The following DLEU7 variants were observed in gnomAD, a reference collection of about 807,000 sequenced individuals.
The protein encoded by DLEU7 is deleted in lymphocytic leukemia 7.
A neutral mutation model predicts 16.0 loss-of-function variants in DLEU7; 17 were observed. The observed-to-expected ratio is 1.06, with a 90% CI of 0.73 to 1.59. The LOEUF is 1.59. DLEU7 is among the 40% of genes most tolerant of loss of function. The probability of loss-of-function intolerance (pLI) is 0.00; values close to 1 mark genes in which losing one functional copy is unlikely to be tolerated. For synonymous variants in DLEU7, 113 were observed against 139.8 expected, an observed-to-expected ratio of 0.81 and a Z score of 1.35; for missense variants, 308 against 314.9, an observed-to-expected ratio of 0.98 and a Z score of 0.17.
chr13:50,711,168 C>G (rs1209387119), downstream of DLEU7: 4 of 152,132 alleles, frequency 2.6e-5, no homozygotes, highest in Non-Finnish European at 5.9e-5. Flanking sequence ...TCTGTACCCT[C>G]AAAAATATTG....
downstream of DLEU7, chr13:50,822,484 G>T: frequency 4.4e-6 from 1 of 226,912 alleles, no homozygotes; most frequent in Non-Finnish European, 6.5e-6. Context: ...AGTATGTGTG[G>T]ACTGTTGTTG....
In DLEU7 at chr13:50,784,813, C is replaced by T. The variant is rs542518725; in HGVS notation, c.459+58375G>A. On this transcript the variant is annotated intron_variant, in intron 1 of 1. Transcript: ENST00000400393. The stretch of plus-strand genomic sequence containing the variant: ...CAGTTAAGTGCTTTATAAAAGTAAG[C>T]GATTCATATTGGAACCTGTCCTGCA... Among the ~76,000 whole-genome samples, 77 of 152,160 alleles carry T rather than the reference C, an allele frequency of 5.1e-4. 1 individual carries two copies. Among genetic ancestry groups the T allele is most frequent in the Non-Finnish European group, 9.8e-4 (67 of 68,024 alleles).
At chr13:50,782,505 C>T (rs1875682949) in intron 1 of DLEU7, among the ~76,000 whole-genome samples, 1 of 152,140 alleles carries the variant, frequency 6.6e-6, no homozygotes, top group Admixed American at 6.6e-5. Flanking sequence ...CTATTGCGAC[C>T]TCTTCATTTG....
chr13:50,733,146 T>C (rs757356430), intron 1 of DLEU7, among the ~76,000 whole-genome samples: 2 of 152,214 alleles, frequency 1.3e-5, no homozygotes, highest in Non-Finnish European at 2.9e-5. Context: ...TGTCTGCATA[T>C]TAGAACCATC....
At chr13:50,715,272 C>A (rs553082389) in intron 1 of DLEU7, among the ~76,000 whole-genome samples, 2 of 152,198 alleles carry the variant, frequency 1.3e-5, no homozygotes, top group Non-Finnish European at 2.9e-5. Flanking sequence ...ACCCGATAAT[C>A]CAGGATAATC....
chr13:50,775,486 C>T (rs1011660200), intron 1 of DLEU7, among the ~76,000 whole-genome samples: 19 of 152,298 alleles, frequency 1.2e-4, no homozygotes, highest in African/African-American at 2.9e-4. Context: ...CTGAAATCTC[C>T]GCAACAGCTT....
At chr13:50,748,749 GGAAGGA>G (rs992379092) in intron 1 of DLEU7, among the ~76,000 whole-genome samples, 1 of 151,990 alleles carries the variant, frequency 6.6e-6, no homozygotes, top group African/African-American at 2.4e-5. Context: ...GAGAAGAAGT[GGAAGGA>G]GAAGGAGAAG....
chr13:50,738,402 G>A (rs1305683945), intron 1 of DLEU7, among the ~76,000 whole-genome samples: 1 of 152,094 alleles, frequency 6.6e-6, no homozygotes, highest in Non-Finnish European at 1.5e-5. Flanking sequence ...GTTTAGAATT[G>A]CCAGTACATG....
chr13:50,774,331 A>G (rs544160803), intron 1 of DLEU7, among the ~76,000 whole-genome samples: 1 of 152,304 alleles, frequency 6.6e-6, no homozygotes, highest in South Asian at 2.1e-4. Flanking sequence ...AAATGCAGAA[A>G]TCACCCATCT....
At chr13:50,799,004 G>T (rs1460538894) in intron 1 of DLEU7, among the ~76,000 whole-genome samples, 1 of 152,110 alleles carries the variant, frequency 6.6e-6, no homozygotes, top group Non-Finnish European at 1.5e-5. Context: ...TGGAAGTGAG[G>T]ATCTTTGCTC....
At chr13:50,820,180 T>G (rs1374725372), downstream of DLEU7, among the ~76,000 whole-genome samples, 13 of 152,060 alleles carry the variant, frequency 8.5e-5, no homozygotes, top group Admixed American at 8.5e-4. Flanking sequence ...CAAGAGAAGT[T>G]TTGATGGCGT....
intron 1 of DLEU7, among the ~76,000 whole-genome samples, chr13:50,815,396 G>A (rs562556464): frequency 2.4e-4 from 36 of 152,242 alleles, no homozygotes; most frequent in Non-Finnish European, 4.1e-4. Context: ...GGAAATGAGA[G>A]GGAACAGCTG....
chr13:50,788,842 C>G (rs56376116), intron 1 of DLEU7, among the ~76,000 whole-genome samples: 2,040 of 152,200 alleles, frequency 0.013, 41 homozygotes, highest in African/African-American at 0.047. Flanking sequence ...CTCACGGACA[C>G]CCTTTCACCC....
intron 1 of DLEU7, among the ~76,000 whole-genome samples, chr13:50,833,504 A>T (rs933648817): frequency 6.6e-6 from 1 of 152,242 alleles, no homozygotes; most frequent in African/African-American, 2.4e-5. Flanking sequence ...GACCTCTTCA[A>T]TGAGAACTAC....
chr13:50,817,253 T>C (rs1593407799), intron 1 of DLEU7, among the ~76,000 whole-genome samples: 2 of 152,328 alleles, frequency 1.3e-5, no homozygotes, highest in Admixed American at 1.3e-4. Flanking sequence ...TATGACTGCA[T>C]GCATGGAGCA....
chr13:50,716,179 T>TTTTG, intron 1 of DLEU7, among the ~76,000 whole-genome samples: 1 of 152,252 alleles, frequency 6.6e-6, no homozygotes. Flanking sequence ...GCTTGGTCTT[T>TTTTG]TTTGTTTAAT....
At chr13:50,744,189 C>A (rs549224801) in intron 1 of DLEU7, among the ~76,000 whole-genome samples, 15 of 152,316 alleles carry the variant, frequency 9.8e-5, no homozygotes, top group Non-Finnish European at 5.9e-5. Context: ...GCACTGATCT[C>A]TGATATATGA....
At chr13:50,743,687 G>A (rs138286413) in intron 1 of DLEU7, among the ~76,000 whole-genome samples, 2,106 of 152,254 alleles carry the variant, frequency 0.014, 44 homozygotes, top group African/African-American at 0.047. Context: ...TATGATTAAG[G>A]ATCTAAGAGA....
chr13:50,764,549 T>C lies in DLEU7; in HGVS notation c.460-51309A>G, dbSNP rs139551727. Among the ~76,000 whole-genome samples, 548 of 152,356 alleles carry C rather than the reference T, an allele frequency of 3.6e-3. 3 individuals carry two copies. The highest frequency in any genetic ancestry group is 0.012 in the African/African-American group (517 of 41,588). On this transcript the variant is annotated intron_variant, in intron 1 of 1. Transcript: ENST00000400393. ...AATGGAATTAAATAAGTTCAGAGGCTTTAAGTGTTTCTTAAAACACTTATC... is the reference window on the plus strand; with the variant it reads ...AATGGAATTAAATAAGTTCAGAGGCCTTAAGTGTTTCTTAAAACACTTATC...
Sources: gnomAD v4.1 joint callset for allele counts (sites outside exome capture counted in the v4.1 genomes callset) on GRCh38, gnomAD v4.1.1 for gene constraint, MANE v1.5 for transcripts, NCBI Gene and HGNC (gene_info 2026-07-23, HGNC 2026-07-21) for gene names.